The following YAF2 variants were observed in gnomAD, a reference collection of about 807,000 sequenced individuals.
YAF2 encodes YY1 associated factor 2, also known as YY1-associated factor 2.
YAF2 carries 7 observed loss-of-function variants against 20.1 expected under a neutral mutation model. That is an observed-to-expected ratio of 0.35 (90% confidence interval 0.20 to 0.65). The LOEUF (loss-of-function observed/expected upper bound fraction) is 0.65, where lower values mean the gene tolerates loss of function less well. Among genes scored for constraint, YAF2 ranks in the 30% least tolerant of loss-of-function variants. YAF2 has a pLI of 0.69. For synonymous variants in YAF2, 74 were observed against 76.0 expected, an observed-to-expected ratio of 0.97 and a Z score of 0.14; for missense variants, 151 against 219.2, an observed-to-expected ratio of 0.69 and a Z score of 1.96.
At chr12:42,237,343 G>A in intron 2 of YAF2, 3 of 1,068,112 alleles carry the variant, frequency 2.8e-6, no homozygotes, top group South Asian at 2.8e-5. Context: ...GAATTAAATC[G>A]CAGTAGCTAA....
chr12:42,232,579 T>TA (rs1243324434), intron 2 of YAF2: 3 of 985,270 alleles, frequency 3.0e-6, no homozygotes, highest in Non-Finnish European at 3.6e-6. Context: ...GCTCCTCAGA[T>TA]AGACAGGAGG....
At chr12:42,202,109 C>T (rs1001788010) in intron 2 of YAF2, among the ~76,000 whole-genome samples, 1 of 152,038 alleles carries the variant, frequency 6.6e-6, no homozygotes, top group African/African-American at 2.4e-5. Context: ...TAGTTTCCCC[C>T]CCCATCTAGA....
intron 2 of YAF2, chr12:42,212,585 A>G (rs1403073975): frequency 3.6e-6 from 1 of 277,142 alleles, no homozygotes; most frequent in East Asian, 1.1e-4. Context: ...CAAAAAATAA[A>G]TGGGATAAAA....
intron 2 of YAF2, among the ~76,000 whole-genome samples, chr12:42,211,445 A>AC: frequency 6.7e-6 from 1 of 148,894 alleles, no homozygotes; most frequent in Non-Finnish European, 1.5e-5. Context: ...AAAAAAAAAA[A>AC]AAAAAAGTCA....
At chr12:42,169,350 T>TTC (rs1368685488) in intron 2 of YAF2, among the ~76,000 whole-genome samples, 4 of 152,292 alleles carry the variant, frequency 2.6e-5, no homozygotes, top group African/African-American at 9.6e-5. Flanking sequence ...CTCTTAGAAC[T>TTC]TCCTCTTCCA....
intron 2 of YAF2, among the ~76,000 whole-genome samples, chr12:42,227,864 C>A (rs1204996042): frequency 6.9e-6 from 1 of 144,410 alleles, no homozygotes; most frequent in Non-Finnish European, 1.5e-5. Flanking sequence ...AGCCCCCCGC[C>A]CCGCCAGCCG....
At chr12:42,171,844 G>A (rs1004477258) in intron 2 of YAF2, among the ~76,000 whole-genome samples, 2 of 151,774 alleles carry the variant, frequency 1.3e-5, no homozygotes, top group African/African-American at 4.8e-5. Flanking sequence ...CGTGCCTGTA[G>A]TCCCAGCTAC....
chr12:42,181,946 C>G (rs1451904177), intron 2 of YAF2, among the ~76,000 whole-genome samples: 1 of 151,960 alleles, frequency 6.6e-6, no homozygotes, highest in Non-Finnish European at 1.5e-5. Context: ...CTTTAACATC[C>G]TTTTGCTTCT....
chr12:42,235,178 A>G (rs2068108577), intron 2 of YAF2: 1 of 990,686 alleles, frequency 1.0e-6, no homozygotes, highest in African/African-American at 1.7e-5. Context: ...TGTGCGTCAC[A>G]CAAACAAATC....
intron 2 of YAF2, among the ~76,000 whole-genome samples, chr12:42,179,691 G>A (rs931555854): frequency 6.6e-6 from 1 of 151,398 alleles, no homozygotes; most frequent in Non-Finnish European, 1.5e-5. Flanking sequence ...GGCTGAGGTG[G>A]GAGAATTGCT....
At chr12:42,200,026 G>A (rs574564267) in intron 2 of YAF2, among the ~76,000 whole-genome samples, 1 of 152,304 alleles carries the variant, frequency 6.6e-6, no homozygotes, top group South Asian at 2.1e-4. Context: ...ATTTGAGAGT[G>A]ACATCTGAAA....
chr12:42,175,212 T>C (rs2066148940), intron 2 of YAF2, among the ~76,000 whole-genome samples: 1 of 152,182 alleles, frequency 6.6e-6, no homozygotes, highest in African/African-American at 2.4e-5. Context: ...AATGAACCAC[T>C]GACACTCAAG....
chr12:42,201,549 C>T (rs1305787640), intron 2 of YAF2, among the ~76,000 whole-genome samples: 2 of 152,064 alleles, frequency 1.3e-5, no homozygotes, highest in East Asian at 3.9e-4. Context: ...CTAGGTATGT[C>T]GCATATCTTT....
rs531464766 is a variant in YAF2 at position 42,157,863 on chromosome 12, T to C, written c.*2726A>G. The C allele has an allele frequency of 6.6e-6, 1 of 152,160 alleles. No individual in the cohort carries two copies. The allele number at this position is 152,160 out of a possible 1,614,324, so 9.4% of individuals were successfully genotyped here. On this transcript the variant is annotated 3_prime_UTR_variant, in exon 4 of 4. Coordinates refer to ENST00000534854, the MANE Select transcript of YAF2 (RefSeq NM_005748.6). Reference sequence around the variant, plus strand: ...CCAGGCTGGTCCTGGGCTCAAAATATCTGCCTGCTTCAGCCCAAAGTGCTG... The same window carrying C: ...CCAGGCTGGTCCTGGGCTCAAAATACCTGCCTGCTTCAGCCCAAAGTGCTG...
chr12:42,182,811 ATAAT>A (rs2066377261), intron 2 of YAF2, among the ~76,000 whole-genome samples: 1 of 152,262 alleles, frequency 6.6e-6, no homozygotes, highest in Non-Finnish European at 1.5e-5. Context: ...ATGATCATAT[ATAAT>A]TTCTAGACCA....
At chr12:42,164,003 T>C (rs1483703547) in intron 2 of YAF2, among the ~76,000 whole-genome samples, 1 of 152,226 alleles carries the variant, frequency 6.6e-6, no homozygotes, top group Non-Finnish European at 1.5e-5. Flanking sequence ...ATTTATAAAA[T>C]ATACCCTTTT....
chr12:42,235,818 C>G, intron 2 of YAF2: 1 of 1,536,002 alleles, frequency 6.5e-7, no homozygotes, highest in Non-Finnish European at 8.7e-7. Context: ...TAAACTAGGC[C>G]CACTTCTCTG....
chr12:42,180,203 T>C (rs576290699), intron 2 of YAF2, among the ~76,000 whole-genome samples: 4 of 152,252 alleles, frequency 2.6e-5, no homozygotes, highest in African/African-American at 9.6e-5. Flanking sequence ...TTCTAATAAA[T>C]AGGATACAGC....
rs1053213502 is a variant in YAF2, at chr12:42,161,839, A to G, written c.153-74T>C. 5.3e-6 allele frequency: 7 copies of G among 1,330,470 alleles called. No individual in the cohort carries two copies. In the African/African-American group the frequency reaches 6.1e-5, roughly 12 times the overall value. The allele number at this position is 1,330,470 out of a possible 1,614,324, so 82.4% of individuals were successfully genotyped here. Reference sequence around the variant, plus strand: ...TAAGTGCTTTATGACAGAATATCTCACATTATGAAAACAAGTTAATAACAA... The same window carrying G: ...TAAGTGCTTTATGACAGAATATCTCGCATTATGAAAACAAGTTAATAACAA... On this transcript the variant is annotated intron_variant, in intron 2 of 3. Transcript: ENST00000534854.
Sources: allele counts gnomAD v4.1 joint callset (sites outside exome capture counted in the v4.1 genomes callset), GRCh38; gene constraint gnomAD v4.1.1; transcripts MANE v1.5; gene names NCBI Gene and HGNC (gene_info 2026-07-23, HGNC 2026-07-21).